The following PPP2R1B variants were observed in gnomAD, a reference collection of about 807,000 sequenced individuals.
The protein encoded by PPP2R1B is serine/threonine-protein phosphatase 2A 65 kDa regulatory subunit A beta isoform.
A neutral mutation model predicts 72.7 loss-of-function variants in PPP2R1B; 58 were observed. The observed-to-expected ratio is 0.80, with a 90% CI of 0.65 to 0.99. The LOEUF is 0.99. Among genes scored for constraint, PPP2R1B ranks in the 50% least tolerant of loss-of-function variants. PPP2R1B has a pLI of 0.00. For synonymous variants in PPP2R1B, 256 were observed against 264.6 expected (o/e 0.97, Z 0.32); for missense variants, 695 against 733.6 (o/e 0.95, Z 0.61).
At chr11:111,695,339 G>T in the PPP2R1B span, among the ~76,000 whole-genome samples, 2 of 152,060 alleles carry the variant, frequency 1.3e-5, no homozygotes, top group Non-Finnish European at 2.9e-5. Flanking sequence ...TTGCCTCAGT[G>T]GTGTTGATTC....
chr11:111,709,212 T>C, the PPP2R1B span, among the ~76,000 whole-genome samples: 1 of 152,224 alleles, frequency 6.6e-6, no homozygotes, highest in East Asian at 1.9e-4. Flanking sequence ...CTTTTTTCTC[T>C]GCGCAAGTGT....
At chr11:111,699,729 G>A in the PPP2R1B span, among the ~76,000 whole-genome samples, 1 of 152,198 alleles carries the variant, frequency 6.6e-6, no homozygotes, top group East Asian at 1.9e-4. Context: ...CTCAAGGTAT[G>A]AATGGAGTGA....
chr11:111,721,868 C>T, the PPP2R1B span: 1 of 1,613,086 alleles, frequency 6.2e-7, no homozygotes, highest in Middle Eastern at 1.7e-4. Flanking sequence ...TCTCCACTCT[C>T]CCTGCCAGCG....
chr11:111,762,274 G>C (rs1945355662), intron 3 of PPP2R1B, among the ~76,000 whole-genome samples: 1 of 152,178 alleles, frequency 6.6e-6, no homozygotes, highest in Non-Finnish European at 1.5e-5. Context: ...TTTAAAAATT[G>C]TTTGATACAC....
chr11:111,709,215 G>C, the PPP2R1B span, among the ~76,000 whole-genome samples: 37,009 of 152,074 alleles, frequency 0.24, 4,716 homozygotes, highest in Middle Eastern at 0.32. Flanking sequence ...TTTTCTCTGC[G>C]CAAGTGTGGA....
chr11:111,753,425 A>G lies in PPP2R1B; in HGVS notation c.1164+18T>C. 1 of 1,606,290 alleles carries G rather than the reference A, an allele frequency of 6.2e-7. No individual in the cohort carries two copies. The highest frequency in any genetic ancestry group is 8.5e-7 in the Non-Finnish European group (1 of 1,177,940). ...TCAAATTACTATCAAAGGCAACAGA[A>G]CATAAAGCAAGACCCACCTCATCCT... On this transcript the variant is annotated intron_variant, in intron 9 of 14. Transcript: ENST00000527614.
intron 15 of PPP2R1B, chr11:111,729,139 ACCAT>A (rs1225181731): frequency 1.3e-5 from 2 of 152,142 alleles, no homozygotes; most frequent in African/African-American, 4.8e-5. Context: ...TTCTTATTTT[ACCAT>A]TTTTGTCCTA....
chr11:111,716,930 A>T, the PPP2R1B span, among the ~76,000 whole-genome samples: 1 of 152,188 alleles, frequency 6.6e-6, no homozygotes, highest in Admixed American at 6.5e-5. Context: ...AAACAAATTT[A>T]CAAGAAAAAT....
chr11:111,741,943 C>T, intron 14 of PPP2R1B, 110 bp downstream of exon 14: 1 of 990,860 alleles, frequency 1.0e-6, no homozygotes, highest in Non-Finnish European at 1.6e-6. Context: ...ACTACCCTCC[C>T]TGTTTCCCAT....
chr11:111,735,982 T>A (rs1162395397), downstream of PPP2R1B, among the ~76,000 whole-genome samples: 5 of 152,140 alleles, frequency 3.3e-5, no homozygotes, highest in Admixed American at 3.3e-4. Flanking sequence ...CATGGAAGGC[T>A]CCCTGAGTCA....
downstream of PPP2R1B, among the ~76,000 whole-genome samples, chr11:111,732,913 T>C (rs1944237353): frequency 6.6e-6 from 1 of 152,150 alleles, no homozygotes; most frequent in Admixed American, 6.5e-5. Context: ...CCCTTCTCAT[T>C]TCAGCCCCAC....
At chr11:111,714,330 A>G in the PPP2R1B span, among the ~76,000 whole-genome samples, 2 of 152,214 alleles carry the variant, frequency 1.3e-5, no homozygotes, top group Non-Finnish European at 1.5e-5. Context: ...AGTGCTTTCA[A>G]TATGGGGATA....
intron 15 of PPP2R1B, chr11:111,729,421 C>G (rs1944107032): frequency 6.6e-6 from 1 of 152,262 alleles, no homozygotes; most frequent in Admixed American, 6.5e-5. Flanking sequence ...TCTTCTAACC[C>G]TCACAACAAT....
chr11:111,744,146 C>T (rs568063935), intron 11 of PPP2R1B, among the ~76,000 whole-genome samples: 18 of 152,318 alleles, frequency 1.2e-4, no homozygotes, highest in Non-Finnish European at 2.4e-4. Context: ...TGGACCCAGA[C>T]TGCAGAGCAT....
chr11:111,722,529 T>C (rs1943833117), downstream of PPP2R1B: 1 of 805,380 alleles, frequency 1.2e-6, no homozygotes, highest in Non-Finnish European at 2.0e-6. The surrounding 1 kb of genome is among the most constrained non-coding windows in gnomAD (Gnocchi z 4.4). Context: ...TCTCAGGGAG[T>C]AAATGTCAGT....
chr11:111,720,818 G>C, the PPP2R1B span: 1 of 1,573,462 alleles, frequency 6.4e-7, no homozygotes. Flanking sequence ...GCAGTTTCTT[G>C]CCATGTTGGT....
chr11:111,700,631 T>C, the PPP2R1B span, among the ~76,000 whole-genome samples: 1 of 152,230 alleles, frequency 6.6e-6, no homozygotes, highest in Non-Finnish European at 1.5e-5. Context: ...ATAAAGTATT[T>C]TTCCAGTCTC....
downstream of PPP2R1B, chr11:111,723,875 C>G (rs149819706): frequency 1.1e-4 from 175 of 1,534,034 alleles, no homozygotes; most frequent in African/African-American, 2.2e-3. Flanking sequence ...AGCCCCCTTA[C>G]AGTTCTCCTA....
downstream of PPP2R1B, chr11:111,723,512 C>T (rs1308819916): frequency 6.2e-7 from 1 of 1,602,788 alleles, no homozygotes; most frequent in Non-Finnish European, 8.5e-7. Flanking sequence ...GCAGAAGCGA[C>T]TCTTTCTTCA....
Sources: gnomAD v4.1 joint callset for allele counts (sites outside exome capture counted in the v4.1 genomes callset) on GRCh38, gnomAD v4.1.1 for gene constraint, Gnocchi (gnomAD v3.1) non-coding constraint, MANE v1.5 for transcripts, NCBI Gene and HGNC (gene_info 2026-07-23, HGNC 2026-07-21) for gene names.